LRRC4C: variants seen among roughly 807,000 people sequenced by gnomAD.
LRRC4C encodes leucine rich repeat containing 4C, also known as leucine-rich repeat-containing protein 4C.
In LRRC4C, 5 loss-of-function variants were observed where a neutral mutation model predicts 33.6. The observed-to-expected ratio is 0.15, with a 90% CI of 0.08 to 0.31. The LOEUF is 0.31. Among genes scored for constraint, LRRC4C ranks in the 10% least tolerant of loss-of-function variants. The pLI is 1.00. For synonymous variants in LRRC4C, 329 were observed against 302.0 expected, an observed-to-expected ratio of 1.09 and a Z score of -0.93; for missense variants, 560 against 796.7, an observed-to-expected ratio of 0.70 and a Z score of 3.58.
intron 4 of LRRC4C, among the ~76,000 whole-genome samples, chr11:40,247,443 T>C (rs1316410809): frequency 6.6e-6 from 1 of 152,220 alleles, no homozygotes; most frequent in African/African-American, 2.4e-5. Context: ...AAAGAACCCA[T>C]GTTGAGAACT....
At chr11:41,164,333 C>A (rs540508802) in intron 1 of LRRC4C, among the ~76,000 whole-genome samples, 2 of 152,060 alleles carry the variant, frequency 1.3e-5, no homozygotes, top group South Asian at 2.1e-4. Context: ...TCTTTAGGAA[C>A]AATAACAAGC....
chr11:40,818,521 A>C (rs1951796563), intron 2 of LRRC4C, among the ~76,000 whole-genome samples: 1 of 152,084 alleles, frequency 6.6e-6, no homozygotes. Context: ...TCATCATATC[A>C]CTAATAATAA....
At chr11:41,123,149 T>C (rs1424100147) in intron 1 of LRRC4C, 1 of 151,926 alleles carries the variant, frequency 6.6e-6, no homozygotes, top group Non-Finnish European at 1.5e-5. Context: ...TCAGGCAGCC[T>C]CTCTTGAAGC....
At chr11:40,330,897 G>T (rs1038577734) in intron 3 of LRRC4C, among the ~76,000 whole-genome samples, 18 of 152,104 alleles carry the variant, frequency 1.2e-4, no homozygotes, top group African/African-American at 4.3e-4. Context: ...GTTAACTATA[G>T]TGTTATAGAG....
At chr11:40,188,665 T>A (rs1861596252) in intron 5 of LRRC4C, among the ~76,000 whole-genome samples, 1 of 152,098 alleles carries the variant, frequency 6.6e-6, no homozygotes, top group Non-Finnish European at 1.5e-5. Context: ...TCATGCTCTA[T>A]AAACCAGGGG....
intron 1 of LRRC4C, among the ~76,000 whole-genome samples, chr11:41,167,207 T>G (rs547259449): frequency 2.0e-5 from 3 of 152,188 alleles, no homozygotes; most frequent in African/African-American, 7.2e-5. Flanking sequence ...AGATCTTTCA[T>G]GTAGCACAGT....
At chr11:41,024,862 T>G (rs2137729167) in intron 1 of LRRC4C, among the ~76,000 whole-genome samples, 1 of 151,824 alleles carries the variant, frequency 6.6e-6, no homozygotes, top group African/African-American at 2.4e-5. Context: ...TTTTCAACAC[T>G]ATGCGCTCAC....
At chr11:40,414,338 T>G (rs1396813824) in intron 3 of LRRC4C, among the ~76,000 whole-genome samples, 1 of 152,020 alleles carries the variant, frequency 6.6e-6, no homozygotes, top group Non-Finnish European at 1.5e-5. Flanking sequence ...AAAAAAAAAA[T>G]CTCAGTGGTT....
At chr11:41,123,419 C>A in intron 1 of LRRC4C, among the ~76,000 whole-genome samples, 1 of 149,362 alleles carries the variant, frequency 6.7e-6, no homozygotes, top group Non-Finnish European at 1.5e-5. Flanking sequence ...ACTACAGGCG[C>A]CCGCCACTAC....
intron 5 of LRRC4C, among the ~76,000 whole-genome samples, chr11:40,205,564 T>C (rs1863083786): frequency 6.6e-6 from 1 of 152,220 alleles, no homozygotes; most frequent in East Asian, 1.9e-4. Context: ...AATTCTATTT[T>C]TCTCCTGCAG....
chr11:40,415,010 C>G (rs2137675572), intron 3 of LRRC4C, among the ~76,000 whole-genome samples: 1 of 152,214 alleles, frequency 6.6e-6, no homozygotes, highest in South Asian at 2.1e-4. Context: ...TTTTGAAACT[C>G]TGTTTATGAA....
chr11:40,115,374 A>G lies in LRRC4C; in HGVS notation c.919T>C (p.Cys307Arg), dbSNP rs1171890467. ...CACCAGCTGAGCCACAGTATGTCAC[A>G]GTTACAGTTCCAAGGGTTGTGATGT... ...HLHHNPWNCNCDILWLSWWIK... is the reference protein window; with the variant it reads ...HLHHNPWNCNRDILWLSWWIK... Residue 307 changes from cysteine to arginine, a missense_variant, in exon 7 of 7, where the codon TGT becomes CGT. Transcript: ENST00000528697. This position sits in a 1 kb window ranked among gnomAD's most constrained non-coding sequence, Gnocchi z 6.7. The G allele has an allele frequency of 6.2e-7, 1 of 1,614,194 alleles. No homozygotes were observed. Among genetic ancestry groups the G allele is most frequent in the Non-Finnish European group, 8.5e-7 (1 of 1,180,032 alleles).
intron 1 of LRRC4C, among the ~76,000 whole-genome samples, chr11:41,061,539 T>A (rs1026855388): frequency 2.0e-5 from 3 of 152,224 alleles, no homozygotes; most frequent in African/African-American, 7.2e-5. Flanking sequence ...AGAGATATTC[T>A]GTATGTTGTT....
chr11:40,300,513 T>C (rs369560005), intron 4 of LRRC4C, among the ~76,000 whole-genome samples: 1 of 152,210 alleles, frequency 6.6e-6, no homozygotes, highest in South Asian at 2.1e-4. Flanking sequence ...AGATGCCATG[T>C]ACAGATCCAA....
rs562789373 is a variant in LRRC4C, at chr11:40,156,114, C to T, written c.-95-15261G>A. ...AAACACAAAAATCACATGATCATCT[C>T]AATACATGCAGAAAAAGCATTTGAC... On this transcript the variant is annotated intron_variant, in intron 5 of 6. Coordinates refer to ENST00000528697, the MANE Select transcript of LRRC4C (RefSeq NM_001258419.2). 5.3e-4 allele frequency among the ~76,000 whole-genome samples: 81 copies of T among 152,220 alleles called. No individual in the cohort carries two copies. The South Asian group carries it at 0.016, about 30-fold the overall frequency.
intron 1 of LRRC4C, among the ~76,000 whole-genome samples, chr11:41,021,208 A>AGTGTGT (rs1400306899): frequency 1.5e-5 from 2 of 130,850 alleles, no homozygotes; most frequent in African/African-American, 5.9e-5. Flanking sequence ...AGAGAGAGAG[A>AGTGTGT]GAGAGAGTGT....
At chr11:41,209,295 T>C (rs1946724763) in intron 1 of LRRC4C, among the ~76,000 whole-genome samples, 1 of 151,286 alleles carries the variant, frequency 6.6e-6, no homozygotes, top group Non-Finnish European at 1.5e-5. Flanking sequence ...TTTGCCTTGC[T>C]AGATTTTTGA....
intron 2 of LRRC4C, among the ~76,000 whole-genome samples, chr11:40,649,240 G>GA (rs1358623078): frequency 1.3e-5 from 2 of 152,236 alleles, no homozygotes; most frequent in East Asian, 3.9e-4. Flanking sequence ...CAGGAGACCA[G>GA]GGCGTATTTC....
chr11:40,270,162 A>G (rs1590870895), intron 4 of LRRC4C, among the ~76,000 whole-genome samples: 1 of 152,286 alleles, frequency 6.6e-6, no homozygotes, highest in Non-Finnish European at 1.5e-5. Flanking sequence ...TCCCCTGTCC[A>G]GTTAAGGGAA....
Sources: gnomAD v4.1 joint callset for allele counts (sites outside exome capture counted in the v4.1 genomes callset) on GRCh38, gnomAD v4.1.1 for gene constraint, Gnocchi (gnomAD v3.1) non-coding constraint, MANE v1.5 for transcripts, NCBI Gene and HGNC (gene_info 2026-07-23, HGNC 2026-07-21) for gene names.